UTRN: variants seen among roughly 807,000 people sequenced by gnomAD.
The protein encoded by UTRN is utrophin, also known as dystrophin-related protein 1.
UTRN carries 283 observed loss-of-function variants against 463.9 expected under a neutral mutation model. The ratio of observed to expected loss-of-function variants is 0.61; its 90% CI spans 0.55 to 0.67. The LOEUF (loss-of-function observed/expected upper bound fraction) is 0.67. Ranked by LOEUF, UTRN falls within the 30% of genes least tolerant of loss-of-function variation. The probability of loss-of-function intolerance (pLI) is 0.00; values close to 1 mark genes in which losing one functional copy is unlikely to be tolerated. For missense variants in UTRN, 3,922 were observed against 4,084.3 expected (o/e 0.96, Z 1.08); for synonymous variants, 1,442 against 1,431.5 (o/e 1.01, Z -0.17).
At chr6:144,723,478 G>A (rs573998645) in intron 53 of UTRN, among the ~76,000 whole-genome samples, 1 of 152,170 alleles carries the variant, frequency 6.6e-6, no homozygotes, top group South Asian at 2.1e-4. Flanking sequence ...GTACAGTAGA[G>A]GATTTCAGAT....
intron 73 of UTRN, among the ~76,000 whole-genome samples, chr6:144,842,595 C>T (rs966337129): frequency 6.6e-6 from 1 of 152,032 alleles, no homozygotes; most frequent in Non-Finnish European, 1.5e-5. Flanking sequence ...AAAACAACAA[C>T]AACAACAAAA....
intron 70 of UTRN, 132 bp downstream of exon 70, chr6:144,836,070 T>TG (rs1781077635): frequency 1.4e-6 from 2 of 1,443,090 alleles, no homozygotes; most frequent in Non-Finnish European, 1.9e-6. Context: ...TAGAGGCTAT[T>TG]AACAAACTGG....
chr6:144,497,039 A>C (rs1793715586), intron 33 of UTRN, among the ~76,000 whole-genome samples: 1 of 152,254 alleles, frequency 6.6e-6, no homozygotes, highest in Non-Finnish European at 1.5e-5. Context: ...TTTGTGTTAC[A>C]GATTAAAATC....
At chr6:144,514,075 G>C (rs1221382941) in intron 36 of UTRN, 38 bp downstream of exon 36, 1 of 1,610,294 alleles carries the variant, frequency 6.2e-7, no homozygotes, top group Admixed American at 1.7e-5. Context: ...TTTGGGAGTG[G>C]CATGTTTTGT....
chr6:144,618,222 A>G (rs1191993790), intron 51 of UTRN, among the ~76,000 whole-genome samples: 3 of 152,154 alleles, frequency 2.0e-5, no homozygotes, highest in Non-Finnish European at 2.9e-5. Flanking sequence ...TGGAAAATGG[A>G]AGCTTTGGGA....
intron 51 of UTRN, among the ~76,000 whole-genome samples, chr6:144,620,590 A>G (rs932514768): frequency 2.0e-5 from 3 of 152,076 alleles, no homozygotes; most frequent in Admixed American, 6.6e-5. Context: ...TTTTCTTACT[A>G]CTTTTTTTCC....
At chr6:144,381,160 G>T (rs1402523317) in intron 2 of UTRN, among the ~76,000 whole-genome samples, 1 of 151,654 alleles carries the variant, frequency 6.6e-6, no homozygotes. Context: ...TTTCGTGATC[G>T]TTTCCCTCCC....
intron 60 of UTRN, among the ~76,000 whole-genome samples, chr6:144,777,212 G>A (rs1431962403): frequency 6.6e-6 from 1 of 152,074 alleles, no homozygotes; most frequent in African/African-American, 2.4e-5. Flanking sequence ...TGTCCAAGGA[G>A]ATTTATAGCA....
intron 51 of UTRN, among the ~76,000 whole-genome samples, chr6:144,586,330 T>G (rs1182045194): frequency 1.3e-5 from 2 of 152,140 alleles, no homozygotes; most frequent in Non-Finnish European, 2.9e-5. Flanking sequence ...CGGTTATACA[T>G]CCAATAAAAT....
At chr6:144,427,416 G>C (rs566648194) in intron 7 of UTRN, among the ~76,000 whole-genome samples, 1 of 152,236 alleles carries the variant, frequency 6.6e-6, no homozygotes, top group East Asian at 1.9e-4. Flanking sequence ...AACTTAATCA[G>C]TTCTTACAAA....
intron 2 of UTRN, among the ~76,000 whole-genome samples, chr6:144,306,992 G>T (rs1033355327): frequency 1.3e-5 from 2 of 151,900 alleles, no homozygotes; most frequent in Admixed American, 6.6e-5. Flanking sequence ...TTGAACCTGG[G>T]AGGTGGAGGC....
At chr6:144,769,997 A>G (rs532589709) in intron 58 of UTRN, among the ~76,000 whole-genome samples, 20 of 152,326 alleles carry the variant, frequency 1.3e-4, no homozygotes, top group South Asian at 1.0e-3. Flanking sequence ...ACCCGGCTCC[A>G]TGGTCTTTTG....
chr6:144,549,529 T>C, intron 47 of UTRN, among the ~76,000 whole-genome samples: 1 of 152,178 alleles, frequency 6.6e-6, no homozygotes, highest in Non-Finnish European at 1.5e-5. Context: ...ATCCCCACAT[T>C]ACAAATAAGT....
intron 7 of UTRN, 114 bp from the exon 8 acceptor site, chr6:144,428,664 A>T: frequency 1.8e-6 from 1 of 564,056 alleles, no homozygotes. Context: ...AAATAAACTC[A>T]AAAAAACCTC....
chr6:144,708,615 T>C (rs1182958172), intron 53 of UTRN: 2 of 220,488 alleles, frequency 9.1e-6, no homozygotes, highest in Non-Finnish European at 1.8e-5. Flanking sequence ...TCTCTGTGTT[T>C]TGAGAAATCA....
chr6:144,553,528 CTTA>C (rs1562564995), intron 48 of UTRN, among the ~76,000 whole-genome samples: 1 of 152,190 alleles, frequency 6.6e-6, no homozygotes, highest in Admixed American at 6.5e-5. Context: ...ATTCTACCTA[CTTA>C]TTATCAGCAG....
At chr6:144,516,148 C>T in intron 37 of UTRN, 81 bp from the exon 38 acceptor site, 1 of 1,418,656 alleles carries the variant, frequency 7.0e-7, no homozygotes, top group Non-Finnish European at 9.7e-7. Context: ...GTTAGTTTCT[C>T]TCTTGACACC....
intron 6 of UTRN, among the ~76,000 whole-genome samples, chr6:144,425,005 A>G (rs550212989): frequency 1.1e-4 from 16 of 152,356 alleles, no homozygotes; most frequent in Non-Finnish European, 1.8e-4. Context: ...TGTAATCTAC[A>G]GATCTTAAGA....
At chr6:144,802,955 C>A in intron 64 of UTRN, 81 bp from the exon 65 acceptor site, 1 of 974,458 alleles carries the variant, frequency 1.0e-6, no homozygotes, top group South Asian at 3.2e-5. Context: ...TTTGGTAATT[C>A]GGATGAATGA....
Sources: gnomAD v4.1 joint callset for allele counts (sites outside exome capture counted in the v4.1 genomes callset) on GRCh38, gnomAD v4.1.1 for gene constraint, MANE v1.5 for transcripts, NCBI Gene and HGNC (gene_info 2026-07-23, HGNC 2026-07-21) for gene names.